Variants in KIF6 observed in about 807,000 individuals in gnomAD.
KIF6 encodes kinesin-like protein KIF6.
Under a neutral mutation model 112.7 loss-of-function variants are expected in KIF6, and 106 were observed. That is an observed-to-expected ratio of 0.94 (90% CI 0.80 to 1.11). The LOEUF is 1.11. Among genes scored for constraint, KIF6 ranks in the 50% least tolerant of loss-of-function variants. KIF6 has a pLI of 0.00. For missense variants in KIF6, 929 were observed against 964.0 expected, an observed-to-expected ratio of 0.96 and a Z score of 0.48; for synonymous variants, 339 against 339.9, an observed-to-expected ratio of 1.00 and a Z score of 0.03.
intron 10 of KIF6, among the ~76,000 whole-genome samples, chr6:39,548,933 G>A (rs988665226): frequency 6.6e-6 from 1 of 152,290 alleles, no homozygotes; most frequent in Admixed American, 6.5e-5. Flanking sequence ...CTAGGGGAAA[G>A]AGAAAAGAAA....
intron 3 of KIF6, among the ~76,000 whole-genome samples, chr6:39,684,978 A>G (rs1163703372): frequency 6.6e-6 from 1 of 152,184 alleles, no homozygotes; most frequent in Non-Finnish European, 1.5e-5. Flanking sequence ...AGGGCAGAGA[A>G]GACAGACAGA....
chr6:39,700,033 A>G (rs1282318936), intron 3 of KIF6, among the ~76,000 whole-genome samples: 7 of 152,180 alleles, frequency 4.6e-5, no homozygotes, highest in Non-Finnish European at 8.8e-5. Flanking sequence ...GTGGGTCCAT[A>G]GTAGGTGTAA....
At chr6:39,433,818 G>T in intron 13 of KIF6, among the ~76,000 whole-genome samples, 1 of 152,150 alleles carries the variant, frequency 6.6e-6, no homozygotes, top group Admixed American at 6.5e-5. Flanking sequence ...AGGACTCACG[G>T]GCAGCTCCAG....
At chr6:39,587,213 C>G (rs1291409349) in intron 7 of KIF6, among the ~76,000 whole-genome samples, 2 of 152,062 alleles carry the variant, frequency 1.3e-5, no homozygotes, top group Non-Finnish European at 1.5e-5. Flanking sequence ...CAGACAAATC[C>G]AGTGCTAGAA....
intron 6 of KIF6, among the ~76,000 whole-genome samples, chr6:39,606,352 T>C (rs1361963203): frequency 6.6e-6 from 1 of 152,170 alleles, no homozygotes; most frequent in African/African-American, 2.4e-5. Context: ...CTTAAGATTA[T>C]GAAGAACAAG....
Position 39,573,391 on chromosome 6 carries a change from C to T in KIF6, c.1181+4665G>A, listed in dbSNP as rs77312222. Among the ~76,000 whole-genome samples, 6 of 152,094 alleles carry T rather than the reference C, an allele frequency of 3.9e-5. No individual in the cohort carries two copies. In the East Asian group the frequency reaches 1.2e-3, roughly 29 times the overall value. Reference sequence around the variant, plus strand: ...TTAAGATGATAAAAGACTCTTAAGTCCGTTGAAATGTAGGTTGTACTAATG... The same window carrying T: ...TTAAGATGATAAAAGACTCTTAAGTTCGTTGAAATGTAGGTTGTACTAATG... On this transcript the variant is annotated intron_variant, in intron 10 of 22. Transcript: ENST00000287152.
chr6:39,502,951 G>T (rs897014646), intron 13 of KIF6, among the ~76,000 whole-genome samples: 1 of 152,088 alleles, frequency 6.6e-6, no homozygotes, highest in African/African-American at 2.4e-5. Context: ...AATTAACAAA[G>T]ATATTCAGGA....
intron 16 of KIF6, among the ~76,000 whole-genome samples, chr6:39,372,127 G>C (rs150918443): frequency 4.6e-5 from 7 of 152,170 alleles, no homozygotes; most frequent in Non-Finnish European, 8.8e-5. Context: ...GAATTATTAA[G>C]ATTGCAATTA....
chr6:39,635,643 T>G (rs768563575), intron 4 of KIF6, among the ~76,000 whole-genome samples: 4 of 152,062 alleles, frequency 2.6e-5, no homozygotes, highest in Admixed American at 2.6e-4. Flanking sequence ...GGGTCACTGC[T>G]GAAATGCAAT....
At position 39,342,094 on chromosome 6, in the gene KIF6, C is replaced by G. The variant is rs1184076021; in HGVS notation, c.2428+1615G>C. Among the ~76,000 whole-genome samples, 1 of 152,222 alleles carries G rather than the reference C, an allele frequency of 6.6e-6. No individual in the cohort carries two copies. The highest frequency in any genetic ancestry group is 1.5e-5 in the Non-Finnish European group (1 of 68,034). ...TCTTGCTCCCTGCCCTCCAGCCACT[C>G]TAGCTTCCTTCCCACCCTGTGGCCA... On this transcript the variant is annotated intron_variant, in intron 22 of 22. Coordinates refer to ENST00000287152, the MANE Select transcript of KIF6 (RefSeq NM_145027.6). The surrounding 1 kb of genome is among the most constrained non-coding windows in gnomAD (Gnocchi z 4.7).
chr6:39,578,287 C>T, intron 9 of KIF6, 128 bp from the exon 10 acceptor site: 1 of 641,982 alleles, frequency 1.6e-6, no homozygotes. Context: ...GTATAAAAAG[C>T]CAGCTTTGTT....
At chr6:39,610,520 G>A (rs771545576) in intron 6 of KIF6, among the ~76,000 whole-genome samples, 8 of 152,160 alleles carry the variant, frequency 5.3e-5, no homozygotes, top group Non-Finnish European at 1.0e-4. Flanking sequence ...AAAATGATTC[G>A]TTTGTTCTTT....
chr6:39,578,739 T>A (rs765291189), intron 9 of KIF6, among the ~76,000 whole-genome samples: 1 of 152,012 alleles, frequency 6.6e-6, no homozygotes, highest in Non-Finnish European at 1.5e-5. Flanking sequence ...ATTTAAGGGG[T>A]CTGATTTCTC....
intron 3 of KIF6, among the ~76,000 whole-genome samples, chr6:39,687,970 A>C (rs1054787000): frequency 6.6e-6 from 1 of 152,214 alleles, no homozygotes; most frequent in East Asian, 1.9e-4. Context: ...GTGTATATAC[A>C]GGGGAACCAC....
intron 6 of KIF6, among the ~76,000 whole-genome samples, chr6:39,600,707 G>T (rs1185916586): frequency 6.6e-6 from 1 of 151,992 alleles, no homozygotes; most frequent in East Asian, 1.9e-4. Context: ...CCTAAGCTAT[G>T]GTGACCATAT....
chr6:39,580,202 C>G (rs368055663), intron 9 of KIF6, among the ~76,000 whole-genome samples: 108 of 152,092 alleles, frequency 7.1e-4, no homozygotes, highest in Middle Eastern at 3.4e-3. Context: ...AAATACCTTA[C>G]GTGTCTTTAA....
At chr6:39,390,081 G>A (rs573841281) in intron 15 of KIF6, among the ~76,000 whole-genome samples, 4 of 148,522 alleles carry the variant, frequency 2.7e-5, no homozygotes, top group African/African-American at 1.0e-4. Flanking sequence ...GGAGGTAGAC[G>A]AAGTTGAGTT....
At chr6:39,456,854 C>G (rs1357026865) in intron 13 of KIF6, among the ~76,000 whole-genome samples, 5 of 149,732 alleles carry the variant, frequency 3.3e-5, no homozygotes, top group African/African-American at 1.2e-4. Context: ...AATACAGGAG[C>G]ACCCAGATTC....
intron 22 of KIF6, among the ~76,000 whole-genome samples, chr6:39,337,213 TTCTTTCTTTCTTTC>T (rs1562102826): frequency 3.4e-5 from 4 of 118,326 alleles, no homozygotes; most frequent in African/African-American, 1.3e-4. Flanking sequence ...CTTTCTTTCT[TTCTTTCTTTCTTTC>T]TTTCTTTCTT....
Sources: allele counts gnomAD v4.1 joint callset (sites outside exome capture counted in the v4.1 genomes callset), GRCh38; gene constraint gnomAD v4.1.1; non-coding constraint Gnocchi (gnomAD v3.1); transcripts MANE v1.5; gene names NCBI Gene and HGNC (gene_info 2026-07-23, HGNC 2026-07-21).